Variants in NFATC2 observed in about 807,000 individuals in gnomAD.
NFATC2 encodes nuclear factor of activated T cells 2, also known as nuclear factor of activated T-cells, cytoplasmic 2.
NFATC2 carries 22 observed loss-of-function variants against 87.3 expected under a neutral mutation model. The observed-to-expected ratio is 0.25, with a 90% CI of 0.18 to 0.36. NFATC2 has a LOEUF of 0.36. Among genes scored for constraint, NFATC2 ranks in the 10% least tolerant of loss-of-function variants. NFATC2 has a pLI of 1.00. For synonymous variants in NFATC2, 565 were observed against 542.2 expected (o/e 1.04, Z -0.58); for missense variants, 1,149 against 1,259.1 (o/e 0.91, Z 1.32).
At chr20:51,542,756 G>C (rs112277712), upstream of NFATC2, 8 of 215,354 alleles carry the variant, frequency 3.7e-5, no homozygotes, top group East Asian at 1.1e-3. Flanking sequence ...AGGCGGGGGG[G>C]GGGGGGGCGT....
At chr20:51,522,353 G>A (rs1298522028) in intron 2 of NFATC2, among the ~76,000 whole-genome samples, 1 of 152,138 alleles carries the variant, frequency 6.6e-6, no homozygotes, top group East Asian at 1.9e-4. Flanking sequence ...CTTCATAAAG[G>A]TGCCCAATGA....
chr20:51,433,764 T>C (rs1983139467), intron 8 of NFATC2, among the ~76,000 whole-genome samples: 1 of 130,654 alleles, frequency 7.7e-6, no homozygotes, highest in Non-Finnish European at 1.6e-5. Context: ...CATGCATGTG[T>C]GTGTGTGTGT....
intron 5 of NFATC2, among the ~76,000 whole-genome samples, chr20:51,461,891 A>C (rs1187067532): frequency 1.3e-5 from 2 of 152,164 alleles, no homozygotes; most frequent in African/African-American, 4.8e-5. Flanking sequence ...CAAGGTGGGC[A>C]GATCACTTGA....
intron 2 of NFATC2, among the ~76,000 whole-genome samples, chr20:51,518,079 A>G (rs2076384074): frequency 6.6e-6 from 1 of 152,240 alleles, no homozygotes; most frequent in South Asian, 2.1e-4. Flanking sequence ...AACTGTTCAC[A>G]GGGTAGAGAT....
chr20:51,447,753 A>C (rs7272814), intron 6 of NFATC2, among the ~76,000 whole-genome samples: 3,375 of 152,310 alleles, frequency 0.022, 136 homozygotes, highest in African/African-American at 0.076. Flanking sequence ...AATTTCAGAG[A>C]ACATCCAAAT....
At chr20:51,505,215 A>G (rs2076158500) in intron 3 of NFATC2, among the ~76,000 whole-genome samples, 6 of 150,964 alleles carry the variant, frequency 4.0e-5, no homozygotes, top group Admixed American at 4.0e-4. Flanking sequence ...ACAGGGTTTC[A>G]CTGTGTTAGC....
At position 51,432,643 on chromosome 20, in the gene NFATC2, C is replaced by T. The variant is rs753968378; in HGVS notation, c.2146G>A (p.Glu716Lys). The change falls in exon 9 of 11, where the codon GAG becomes AAG. Residue 716 changes from glutamate to lysine, a missense_variant. Physicochemically the swap from Glu to Lys is moderately conservative, Grantham distance 56 (BLOSUM62 1). Coordinates refer to ENST00000371564, the MANE Select transcript of NFATC2 (RefSeq NM_012340.5). The surrounding 1 kb of genome is among the most constrained non-coding windows in gnomAD (Gnocchi z 4.6). Reference protein sequence around the residue: ...PYYPQHPMVAESPSCLVATMA... With the variant: ...PYYPQHPMVAKSPSCLVATMA... Reference sequence around the variant, plus strand: ...GTGGCCACGAGGCAGGAGGGGGACTCGGCCACCATCGGGTGCTGGGGGTAG... The same window carrying T: ...GTGGCCACGAGGCAGGAGGGGGACTTGGCCACCATCGGGTGCTGGGGGTAG... 4.5e-6 allele frequency: 7 copies of T among 1,538,778 alleles called. No homozygotes were observed. Among genetic ancestry groups the T allele is most frequent in the East Asian group, 2.3e-5 (1 of 44,126 alleles).
chr20:51,398,763 GAA>G (rs11478012), intron 9 of NFATC2, 33 bp from the exon 10 acceptor site: 201 of 1,248,306 alleles, frequency 1.6e-4, no homozygotes, highest in Middle Eastern at 1.9e-4. Context: ...TTTTTGAGAA[GAA>G]AAAAAAAAAT....
At chr20:51,392,451 C>T (rs1986466688) in intron 10 of NFATC2, among the ~76,000 whole-genome samples, 1 of 152,172 alleles carries the variant, frequency 6.6e-6, no homozygotes, top group Non-Finnish European at 1.5e-5. Context: ...AATTAGGGCA[C>T]TGAGATCTTA....
chr20:51,439,518 G>A (rs901470468), intron 6 of NFATC2, among the ~76,000 whole-genome samples: 3 of 152,304 alleles, frequency 2.0e-5, no homozygotes, highest in East Asian at 3.9e-4. Context: ...GCCCTTCCTC[G>A]GGACGCCCCA....
At chr20:51,439,830 G>A (rs1984073382) in intron 6 of NFATC2, among the ~76,000 whole-genome samples, 1 of 152,140 alleles carries the variant, frequency 6.6e-6, no homozygotes, top group Admixed American at 6.5e-5. Flanking sequence ...CTTAGATATG[G>A]CACGATCTCT....
At chr20:51,465,538 G>A (rs973203032) in intron 5 of NFATC2, among the ~76,000 whole-genome samples, 6 of 151,996 alleles carry the variant, frequency 3.9e-5, no homozygotes, top group Non-Finnish European at 4.4e-5. Context: ...GTCTCCCTGG[G>A]TACCTTTCTC....
chr20:51,542,487 C>T lies in NFATC2; in HGVS notation c.13G>A (p.Glu5Lys). The T allele has an allele frequency of 6.6e-7, 1 of 1,520,464 alleles. No individual in the cohort carries two copies. The highest frequency in any genetic ancestry group is 8.8e-7 in the Non-Finnish European group (1 of 1,142,248). 94.2% of individuals were successfully genotyped at this position (1,520,464 alleles called of 1,614,324 possible). The change falls in exon 1 of 11, where the codon GAG becomes AAG. Residue 5 changes from glutamate (E) to lysine (K), a missense_variant. Transcript: ENST00000371564. ...CCGCCGTCGGGTTGGGGCTGCCGCT[C>T]GGGGGCGTTCATGGCGCGCAGGGCG... MNAPERQPQPDGGDA... is the reference protein window; with the variant it reads MNAPKRQPQPDGGDA...
intron 1 of NFATC2, among the ~76,000 whole-genome samples, chr20:51,540,669 T>TG (rs1481465377): frequency 6.7e-6 from 1 of 148,828 alleles, no homozygotes; most frequent in Non-Finnish European, 1.5e-5. Context: ...TTTTTTTTTT[T>TG]TTGAGAAAAC....
intron 3 of NFATC2, among the ~76,000 whole-genome samples, chr20:51,487,493 A>T (rs999458408): frequency 6.6e-5 from 10 of 152,222 alleles, no homozygotes; most frequent in African/African-American, 2.4e-4. Context: ...AACTTAAAAT[A>T]AAATTAAATT....
chr20:51,525,752 T>G (rs1390187411), intron 1 of NFATC2, among the ~76,000 whole-genome samples: 1 of 152,098 alleles, frequency 6.6e-6, no homozygotes, highest in Non-Finnish European at 1.5e-5. Context: ...CCATGGGGAC[T>G]ACTGCAGTCA....
chr20:51,391,527 A>C, intron 10 of NFATC2, 76 bp from the exon 11 acceptor site: 1 of 1,439,738 alleles, frequency 6.9e-7, no homozygotes, highest in Non-Finnish European at 9.7e-7. Context: ...CATCAGGTTC[A>C]CTTTCTAGAA....
At chr20:51,398,844 TTTGGCTCTAG>T (rs1987645264) in intron 9 of NFATC2, 114 bp from the exon 10 acceptor site, 2 of 740,572 alleles carry the variant, frequency 2.7e-6, no homozygotes, top group Non-Finnish European at 4.6e-6. Context: ...AACTTAACCC[TTTGGCTCTAG>T]TTTAAGCCAG....
Position 51,524,410 on chromosome 20 carries a change from T to C in NFATC2, c.131-300A>G, listed in dbSNP as rs1435345396. Among the ~76,000 whole-genome samples, 2 of 151,928 alleles carry C rather than the reference T, an allele frequency of 1.3e-5. No individual in the cohort carries two copies. Among genetic ancestry groups the C allele is most frequent in the African/African-American group, 2.4e-5 (1 of 41,340 alleles). Reference sequence around the variant, plus strand: ...AAGTGCACTTTATCTCACAACCCCATTCACGCCACCATATACACCCACAAC... The same window carrying C: ...AAGTGCACTTTATCTCACAACCCCACTCACGCCACCATATACACCCACAAC... On this transcript the variant is annotated intron_variant, in intron 1 of 10. Transcript: ENST00000371564. This position sits in a 1 kb window ranked among gnomAD's most constrained non-coding sequence, Gnocchi z 4.0.
Sources: allele counts gnomAD v4.1 joint callset (sites outside exome capture counted in the v4.1 genomes callset), GRCh38; gene constraint gnomAD v4.1.1; non-coding constraint Gnocchi (gnomAD v3.1); transcripts MANE v1.5; gene names NCBI Gene and HGNC (gene_info 2026-07-23, HGNC 2026-07-21).